Variants in PRKCE observed in about 807,000 individuals in gnomAD.
The protein encoded by PRKCE is protein kinase C epsilon type.
PRKCE carries 16 observed loss-of-function variants against 85.4 expected under a neutral mutation model. The ratio of observed to expected loss-of-function variants is 0.19; its 90% CI spans 0.13 to 0.28. The LOEUF (loss-of-function observed/expected upper bound fraction) is 0.28, where lower values mean the gene tolerates loss of function less well. Ranked by LOEUF, PRKCE falls within the 10% of genes least tolerant of loss-of-function variation. The probability of loss-of-function intolerance (pLI) is 1.00; values close to 1 mark genes in which losing one functional copy is unlikely to be tolerated. For missense variants in PRKCE, 573 were observed against 975.2 expected, an observed-to-expected ratio of 0.59 and a Z score of 5.49; for synonymous variants, 388 against 371.5, an observed-to-expected ratio of 1.04 and a Z score of -0.51.
intron 1 of PRKCE, among the ~76,000 whole-genome samples, chr2:45,818,743 G>C (rs180766363): frequency 6.6e-6 from 1 of 152,298 alleles, no homozygotes; most frequent in East Asian, 1.9e-4. Flanking sequence ...ACCTGTTTTT[G>C]ATCATTTTAA....
At chr2:45,673,288 T>C (rs542538521) in intron 1 of PRKCE, among the ~76,000 whole-genome samples, 1 of 152,328 alleles carries the variant, frequency 6.6e-6, no homozygotes, top group South Asian at 2.1e-4. Context: ...GAATAGGTCA[T>C]TCACACTCAA....
chr2:45,748,571 T>A (rs1208628765), intron 1 of PRKCE, among the ~76,000 whole-genome samples: 2 of 150,028 alleles, frequency 1.3e-5, no homozygotes, highest in African/African-American at 4.9e-5. Context: ...ATACCTAATG[T>A]CCCTTTACCC....
At chr2:45,915,024 C>A (rs1697660151) in intron 2 of PRKCE, among the ~76,000 whole-genome samples, 1 of 152,174 alleles carries the variant, frequency 6.6e-6, no homozygotes, top group Non-Finnish European at 1.5e-5. Flanking sequence ...GCCACCTCCA[C>A]CTTCTGGGTT....
At chr2:45,655,591 T>G (rs1572865309) in intron 1 of PRKCE, among the ~76,000 whole-genome samples, 1 of 152,092 alleles carries the variant, frequency 6.6e-6, no homozygotes, top group Non-Finnish European at 1.5e-5. Context: ...CTTGGGAGGC[T>G]GAGCTGGGAG....
intron 2 of PRKCE, among the ~76,000 whole-genome samples, chr2:45,860,430 C>G (rs1037751186): frequency 1.3e-4 from 20 of 152,184 alleles, no homozygotes; most frequent in African/African-American, 4.6e-4. Context: ...AGACTTGTAG[C>G]TGGGGCCCCC....
At chr2:45,677,457 C>T (rs995155827) in intron 1 of PRKCE, among the ~76,000 whole-genome samples, 6 of 151,916 alleles carry the variant, frequency 3.9e-5, no homozygotes, top group East Asian at 1.9e-4. Context: ...CCCGGGTTCC[C>T]GCCATTCTCC....
intron 1 of PRKCE, among the ~76,000 whole-genome samples, chr2:45,684,099 A>G (rs747947479): frequency 6.6e-6 from 1 of 152,146 alleles, no homozygotes; most frequent in South Asian, 2.1e-4. Flanking sequence ...TGTCAAGTCA[A>G]GGGGGAGGTC....
chr2:45,774,510 G>T lies in PRKCE; in HGVS notation c.349-68490G>T, dbSNP rs1017936036. On this transcript the variant is annotated intron_variant, in intron 1 of 14. Transcript: ENST00000306156. This position sits in a 1 kb window ranked among gnomAD's most constrained non-coding sequence, Gnocchi z 4.3. ...ATTCTCTTCCCTCCCTGTCTCTCCT[G>T]TCTCCTTTCCATCATGCCAAAGCAC... 1.3e-5 allele frequency among the ~76,000 whole-genome samples: 2 copies of T among 152,110 alleles called. No homozygotes were observed. The highest frequency in any genetic ancestry group is 4.8e-5 in the African/African-American group (2 of 41,406).
At chr2:45,756,655 A>G (rs1322233215) in intron 1 of PRKCE, among the ~76,000 whole-genome samples, 1 of 152,260 alleles carries the variant, frequency 6.6e-6, no homozygotes, top group Non-Finnish European at 1.5e-5. Flanking sequence ...CTATTTAGTA[A>G]TAAAAAGGAA....
intron 1 of PRKCE, among the ~76,000 whole-genome samples, chr2:45,837,090 A>G (rs1222124195): frequency 3.9e-5 from 6 of 152,212 alleles, no homozygotes; most frequent in Admixed American, 3.9e-4. Flanking sequence ...AGGTGTACAG[A>G]TAACCTGTGG....
intron 2 of PRKCE, among the ~76,000 whole-genome samples, chr2:45,868,653 C>T (rs182591361): frequency 2.0e-4 from 30 of 150,230 alleles, no homozygotes; most frequent in Middle Eastern, 3.4e-3. Flanking sequence ...GCTGGTAGGG[C>T]TGGGCACAGT....
chr2:45,694,559 A>G (rs1677990634), intron 1 of PRKCE, among the ~76,000 whole-genome samples: 1 of 152,226 alleles, frequency 6.6e-6, no homozygotes, highest in South Asian at 2.1e-4. Flanking sequence ...GCTAGTGGGC[A>G]AGACAAGAAT....
intron 1 of PRKCE, among the ~76,000 whole-genome samples, chr2:45,813,098 G>C (rs79738529): frequency 2.6e-5 from 4 of 152,042 alleles, no homozygotes; most frequent in Non-Finnish European, 5.9e-5. Flanking sequence ...GAGAGAATCC[G>C]CTTTTGGCAT....
intron 11 of PRKCE, among the ~76,000 whole-genome samples, chr2:46,106,112 C>A (rs1671691234): frequency 6.6e-6 from 1 of 152,042 alleles, no homozygotes; most frequent in African/African-American, 2.4e-5. Flanking sequence ...CATAAATCTG[C>A]AAACATTTTT....
At chr2:45,698,616 A>C (rs756175872) in intron 1 of PRKCE, among the ~76,000 whole-genome samples, 4 of 151,696 alleles carry the variant, frequency 2.6e-5, no homozygotes, top group Non-Finnish European at 5.9e-5. Flanking sequence ...GAAAGAGAGG[A>C]AGAGAGGGGG....
rs1558792845 is a variant in PRKCE, at chr2:45,884,972, TA to T, written c.412+41910del. Among the ~76,000 whole-genome samples, 193 of 61,178 alleles carry T rather than the reference TA, an allele frequency of 3.2e-3. 8 individuals are homozygous for T. The highest frequency in any genetic ancestry group is 8.1e-3 in the African/African-American group (176 of 21,832). 40.1% of individuals were successfully genotyped at this position (61,178 alleles called of 152,430 possible). On this transcript the variant is annotated intron_variant, in intron 2 of 14. Transcript: ENST00000306156. Reference sequence around the variant, plus strand: ...TGTGATCCATATATATATATATATATATATATATATATATATATATATATAT... The same window carrying T: ...TGTGATCCATATATATATATATATATTATATATATATATATATATATATAT...
chr2:45,831,521 T>G (rs1260005675), intron 1 of PRKCE, among the ~76,000 whole-genome samples: 2 of 148,164 alleles, frequency 1.3e-5, no homozygotes, highest in African/African-American at 5.3e-5. Context: ...AATTGGCATT[T>G]TAGGTGTGTG....
At chr2:45,992,701 C>T (rs187939762) in intron 6 of PRKCE, among the ~76,000 whole-genome samples, 1 of 152,318 alleles carries the variant, frequency 6.6e-6, no homozygotes, top group African/African-American at 2.4e-5. Flanking sequence ...GTCACCATTC[C>T]CAGAAGGTTG....
intron 12 of PRKCE, among the ~76,000 whole-genome samples, chr2:46,150,261 A>G (rs1676488060): frequency 6.6e-6 from 1 of 152,250 alleles, no homozygotes; most frequent in African/African-American, 2.4e-5. Context: ...AGATAAGACA[A>G]GTGACCATTG....
Sources: allele counts gnomAD v4.1 joint callset (sites outside exome capture counted in the v4.1 genomes callset), GRCh38; gene constraint gnomAD v4.1.1; non-coding constraint Gnocchi (gnomAD v3.1); transcripts MANE v1.5; gene names NCBI Gene and HGNC (gene_info 2026-07-23, HGNC 2026-07-21).